The following SFXN2 variants were observed in gnomAD, a reference collection of about 807,000 sequenced individuals.
SFXN2 encodes sideroflexin-2.
SFXN2 carries 37 observed loss-of-function variants against 41.9 expected under a neutral mutation model. The ratio of observed to expected loss-of-function variants is 0.88; its 90% CI spans 0.68 to 1.16. The LOEUF (loss-of-function observed/expected upper bound fraction) is 1.16, where lower values mean the gene tolerates loss of function less well. SFXN2 is among the 50% of genes most tolerant of loss of function. The pLI is 0.00. For synonymous variants in SFXN2, 150 were observed against 156.7 expected, an observed-to-expected ratio of 0.96 and a Z score of 0.32; for missense variants, 386 against 425.2, an observed-to-expected ratio of 0.91 and a Z score of 0.81.
At chr10:102,736,043 C>A (rs754288017) in intron 11 of SFXN2, 134 bp downstream of exon 11, 5 of 886,988 alleles carry the variant, frequency 5.6e-6, no homozygotes, top group Non-Finnish European at 9.3e-6. Flanking sequence ...TGTCCATCAG[C>A]CTAAAGGCTG....
Position 102,740,880 on chromosome 10 carries a change from CCTGACTGATGTT to C in SFXN2, c.*3121_*3132del, listed in dbSNP as rs1478024978. 6.6e-6 allele frequency: 1 copy of C among 152,210 alleles called. No homozygotes were observed. Among genetic ancestry groups the C allele is most frequent in the Non-Finnish European group, 1.5e-5 (1 of 68,040 alleles). 9.4% of individuals were successfully genotyped at this position (152,210 alleles called of 1,614,324 possible). A position where few individuals can be genotyped will look rare whatever the true frequency, so the allele number is the denominator to read the frequency against. ...GAGCCAGTAGAGCTTGGAAACAACT[CCTGACTGATGTT>C]CTTTCAGAACATACAATGTTTCCCC... is the stretch of plus-strand genomic sequence containing the variant. On this transcript the variant is annotated 3_prime_UTR_variant, in exon 12 of 12. Transcript: ENST00000369893.
chr10:102,729,283 G>C, intron 4 of SFXN2, 36 bp from the exon 5 acceptor site: 1 of 1,608,242 alleles, frequency 6.2e-7, no homozygotes. Context: ...TCAGCCGGCA[G>C]GGGCCCCACT....
In SFXN2 at chr10:102,726,993, G is replaced by T. The variant is rs1320788556; in HGVS notation, c.168G>T (p.Gly56=). 1.9e-6 allele frequency: 3 copies of T among 1,597,286 alleles called. No homozygotes were observed. Among genetic ancestry groups the T allele is most frequent in the Non-Finnish European group, 1.7e-6 (2 of 1,166,672 alleles). Residue 56 remains glycine (G), a synonymous_variant, in exon 3 of 12, where the codon GGG becomes GGT. Transcript: ENST00000369893. The part of the protein sequence containing the change: ...AKVMVEKSRM[G]VVPPGTQVEQ... ...TGCTGTCCTTGGGTGGCAGGATGGG[G>T]GTTGTGCCCCCAGGCACCCAAGTGG... is the stretch of plus-strand genomic sequence containing the variant.
At position 102,726,739 on chromosome 10, in the gene SFXN2, A is replaced by G. The variant is rs151036418; in HGVS notation, c.103A>G (p.Thr35Ala). 19 of 1,614,032 alleles carry G rather than the reference A, an allele frequency of 1.2e-5. No individual in the cohort carries two copies. The African/African-American group carries it at 2.1e-4, about 18-fold the overall frequency. The change falls in exon 2 of 12, where the codon ACT (threonine) becomes GCT (alanine). Residue 35 changes from threonine (T) to alanine (A), a missense_variant. Coordinates refer to ENST00000369893, the MANE Select transcript of SFXN2 (RefSeq NM_178858.6). ...CTTCCTAAACATCACGGACCCCCGCACTGTCTTTGTATCTGAGCGGGAGCT... is the reference window on the plus strand; with the variant it reads ...CTTCCTAAACATCACGGACCCCCGCGCTGTCTTTGTATCTGAGCGGGAGCT... ...KHFLNITDPR[T>A]VFVSERELDW...
intron 2 of SFXN2, 79 bp from the exon 3 acceptor site, chr10:102,726,908 G>A (rs1053195021): frequency 7.0e-6 from 11 of 1,579,042 alleles, no homozygotes; most frequent in Middle Eastern, 2.1e-4. Context: ...AGGGCTGGGG[G>A]CTGGAAGAAG....
chr10:102,730,528 T>C (rs565634795), intron 6 of SFXN2, among the ~76,000 whole-genome samples: 1 of 152,350 alleles, frequency 6.6e-6, no homozygotes, highest in East Asian at 1.9e-4. Flanking sequence ...ACTACCAGAA[T>C]AGTTGTGCAC....
chr10:102,716,591 G>A (rs1163674260), intron 1 of SFXN2: 2 of 79,422 alleles, frequency 2.5e-5, no homozygotes, highest in African/African-American at 4.7e-5. Flanking sequence ...TTTTTGAGAT[G>A]GAGTTTCACT....
chr10:102,737,476 G>A (rs932357894), intron 11 of SFXN2, among the ~76,000 whole-genome samples, 187 bp from the exon 12 acceptor site: 1 of 152,148 alleles, frequency 6.6e-6, no homozygotes, highest in South Asian at 2.1e-4. Context: ...AAGTTGAAAC[G>A]AAGAACCATA....
rs969544487 is a variant in SFXN2, at chr10:102,738,973, A to G, written c.*1211A>G. 1.3e-5 allele frequency: 2 copies of G among 152,638 alleles called. No homozygotes were observed. The highest frequency in any genetic ancestry group is 2.9e-5 in the Non-Finnish European group (2 of 68,056). 9.5% of individuals were successfully genotyped at this position (152,638 alleles called of 1,614,324 possible). A position where few individuals can be genotyped will look rare whatever the true frequency, so the allele number is the denominator to read the frequency against. On this transcript the variant is annotated 3_prime_UTR_variant, in exon 12 of 12. Transcript: ENST00000369893. Reference sequence around the variant, plus strand: ...ACCTTCTAAGAGGAAATCAACCAGGACCAAAGAGCCTTAAAGGACACACAG... The same window carrying G: ...ACCTTCTAAGAGGAAATCAACCAGGGCCAAAGAGCCTTAAAGGACACACAG...
Position 102,727,149 on chromosome 10 carries a change from G to A in SFXN2, c.324G>A (p.Gln108=), listed in dbSNP as rs202223079. 1 of 1,598,488 alleles carries A rather than the reference G, an allele frequency of 6.3e-7. No individual in the cohort carries two copies. The highest frequency in any genetic ancestry group is 1.7e-5 in the Admixed American group (1 of 59,766). Residue 108 remains glutamine, a synonymous_variant, in exon 3 of 12, where the codon CAG becomes CAA. Transcript: ENST00000369893. ...TGATCATCACGGGCTTCATGCTCCA[G>A]TTCTACAGGTGGGACCTGGGGGCAG... ...GGMIITGFML[Q]FYRTMPAVIF... is the part of the protein sequence containing the mutation.
chr10:102,732,252 C>T, intron 8 of SFXN2, 34 bp downstream of exon 8: 2 of 1,595,614 alleles, frequency 1.3e-6, no homozygotes, highest in South Asian at 1.1e-5. Context: ...CCTGGGGAAG[C>T]CTGTGACACA....
At chr10:102,722,181 A>C (rs1359611660) in intron 1 of SFXN2, among the ~76,000 whole-genome samples, 1 of 152,184 alleles carries the variant, frequency 6.6e-6, no homozygotes, top group Non-Finnish European at 1.5e-5. Context: ...CAAACATTTA[A>C]AAGCGTCAGC....
intron 6 of SFXN2, 48 bp from the exon 7 acceptor site, chr10:102,731,675 G>T (rs1268372027): frequency 6.4e-7 from 1 of 1,554,772 alleles, no homozygotes; most frequent in Non-Finnish European, 8.9e-7. Context: ...TGGCTGGCAG[G>T]CTTCCATCAC....
intron 1 of SFXN2, chr10:102,717,880 G>A: frequency 2.6e-6 from 2 of 783,694 alleles, no homozygotes; most frequent in Non-Finnish European, 3.1e-6. Flanking sequence ...GTCAGGGGAG[G>A]CAGACTTTAC....
intron 2 of SFXN2, 55 bp downstream of exon 2, chr10:102,726,852 T>C (rs2064605101): frequency 3.1e-6 from 5 of 1,603,048 alleles, no homozygotes; most frequent in Non-Finnish European, 4.3e-6. Context: ...TGGGGTCCTC[T>C]TGGGAGGAGG....
intron 11 of SFXN2, among the ~76,000 whole-genome samples, chr10:102,737,278 G>A (rs1174517876): frequency 6.6e-6 from 1 of 152,148 alleles, no homozygotes; most frequent in African/African-American, 2.4e-5. Context: ...GATGGAAAAG[G>A]GAAGGGATAC....
rs55839661 is a variant in SFXN2 at position 102,717,124 on chromosome 10, C to CTTTT, written c.-26+2462_-26+2465dup. Among the ~76,000 whole-genome samples, 271 of 97,212 alleles carry CTTTT rather than the reference C, an allele frequency of 2.8e-3. 1 individual carries two copies. The highest frequency in any genetic ancestry group is 3.2e-3 in the East Asian group (9 of 2,832). 63.8% of individuals were successfully genotyped at this position (97,212 alleles called of 152,430 possible). ...CTTCAGGCTATGACATTCTCTCTCT[C>CTTTT]TTTTTTTTTTTTTTTTTTTTTTGTG... On this transcript the variant is annotated intron_variant, in intron 1 of 11. Coordinates refer to ENST00000369893, the MANE Select transcript of SFXN2 (RefSeq NM_178858.6).
chr10:102,728,368 A>G lies in SFXN2; in HGVS notation c.333-63A>G. ...CTGCAGATCATGTGCTTTGACTGGC[A>G]TACCCTCAGGACTCCCTGCCATCTG... On this transcript the variant is annotated intron_variant, in intron 3 of 11. Transcript: ENST00000369893. The G allele has an allele frequency of 3.0e-6, 4 of 1,317,056 alleles. No individual in the cohort carries two copies. In the South Asian group the frequency reaches 4.7e-5, roughly 15 times the overall value. 81.6% of individuals were successfully genotyped at this position (1,317,056 alleles called of 1,614,324 possible).
Position 102,739,303 on chromosome 10 carries a change from G to A in SFXN2, c.*1541G>A, listed in dbSNP as rs964464686. ...ACTATATAAGGGGAACTTGTCTGAT[G>A]CCTGGAGGCTGTTGTTTATTTCCCT... On this transcript the variant is annotated 3_prime_UTR_variant, in exon 12 of 12. Coordinates refer to ENST00000369893, the MANE Select transcript of SFXN2 (RefSeq NM_178858.6). 1 of 152,074 alleles carries A rather than the reference G, an allele frequency of 6.6e-6. No homozygotes were observed. The highest frequency in any genetic ancestry group is 1.5e-5 in the Non-Finnish European group (1 of 67,974). The allele number at this position is 152,074 out of a possible 1,614,324, so 9.4% of individuals were successfully genotyped here.
Sources: allele counts gnomAD v4.1 joint callset (sites outside exome capture counted in the v4.1 genomes callset), GRCh38; gene constraint gnomAD v4.1.1; transcripts MANE v1.5; gene names NCBI Gene and HGNC (gene_info 2026-07-23, HGNC 2026-07-21).